SIAH1: variants seen among roughly 807,000 people sequenced by gnomAD.
SIAH1 encodes the protein E3 ubiquitin-protein ligase SIAH1.
In SIAH1, 2 loss-of-function variants were observed where a neutral mutation model predicts 20.0. The ratio of observed to expected loss-of-function variants is 0.10; its 90% confidence interval spans 0.04 to 0.31. The LOEUF is 0.31. Ranked by LOEUF, SIAH1 falls within the 10% of genes least tolerant of loss-of-function variation. The probability of loss-of-function intolerance (pLI) is 1.00; values close to 1 mark genes in which losing one functional copy is unlikely to be tolerated. For synonymous variants in SIAH1, 118 were observed against 125.3 expected (o/e 0.94, Z 0.39); for missense variants, 119 against 355.3 (o/e 0.33, Z 5.35).
intron 1 of SIAH1, among the ~76,000 whole-genome samples, chr16:48,380,199 T>G (rs1365012897): frequency 2.0e-5 from 3 of 152,174 alleles, no homozygotes; most frequent in Non-Finnish European, 4.4e-5. Flanking sequence ...CCCAGCACTT[T>G]GGGAGGCTGA....
upstream of SIAH1, among the ~76,000 whole-genome samples, chr16:48,386,885 C>T (rs779518937): frequency 1.3e-5 from 2 of 152,190 alleles, no homozygotes; most frequent in African/African-American, 2.4e-5. Flanking sequence ...GAAATGGATA[C>T]GGACTAAGAG....
intron 1 of SIAH1, among the ~76,000 whole-genome samples, chr16:48,381,041 G>A (rs1418952904): frequency 6.6e-6 from 1 of 151,956 alleles, no homozygotes; most frequent in African/African-American, 2.4e-5. Flanking sequence ...ATGCAAAATG[G>A]TACAGCCAAT....
intron 1 of SIAH1, among the ~76,000 whole-genome samples, chr16:48,378,304 G>A (rs1184364240): frequency 6.6e-6 from 1 of 152,202 alleles, no homozygotes; most frequent in African/African-American, 2.4e-5. Context: ...CGTGAGCCAA[G>A]ACTGTGCCAT....
intron 1 of SIAH1, among the ~76,000 whole-genome samples, chr16:48,373,107 GTCTC>G (rs575613317): frequency 2.6e-5 from 4 of 152,114 alleles, no homozygotes; most frequent in South Asian, 2.1e-4. Context: ...TTCCAAACCA[GTCTC>G]TCTGTTTCCA....
intron 1 of SIAH1, among the ~76,000 whole-genome samples, chr16:48,370,964 A>G (rs1960970475): frequency 2.6e-5 from 4 of 151,818 alleles, no homozygotes; most frequent in Non-Finnish European, 5.9e-5. Flanking sequence ...AAATACAAAA[A>G]TTAGCTGGGT....
At chr16:48,375,347 G>A (rs1217335065) in intron 1 of SIAH1, among the ~76,000 whole-genome samples, 4 of 152,156 alleles carry the variant, frequency 2.6e-5, no homozygotes, top group African/African-American at 4.8e-5. Context: ...AAACGGGGTG[G>A]GGGGAGAGAG....
rs1021735130 is a variant in SIAH1 at position 48,378,524 on chromosome 16, G to A, written c.-3+6680C>T. ...CGATCTGGGAGGTGGTTACAATAGCGTTCCTTTTGTGAAAATGTCAAGCTG... is the reference window on the plus strand; with the variant it reads ...CGATCTGGGAGGTGGTTACAATAGCATTCCTTTTGTGAAAATGTCAAGCTG... On this transcript the variant is annotated intron_variant, in intron 1 of 1. Transcript: ENST00000394725. Among the ~76,000 whole-genome samples the A allele has an allele frequency of 3.1e-4, 47 of 152,182 alleles. 2 individuals carry two copies. Among genetic ancestry groups the A allele is most frequent in the South Asian group, 2.1e-4 (1 of 4,830 alleles).
chr16:48,378,849 TAAGA>T (rs1961179715), intron 1 of SIAH1, among the ~76,000 whole-genome samples: 1 of 152,210 alleles, frequency 6.6e-6, no homozygotes. Context: ...ATCTTCCATC[TAAGA>T]TGTACTCCTT....
At chr16:48,371,353 TGTATG>T (rs1199414139) in intron 1 of SIAH1, among the ~76,000 whole-genome samples, 1 of 152,216 alleles carries the variant, frequency 6.6e-6, no homozygotes, top group African/African-American at 2.4e-5. Context: ...AAAAAAATCA[TGTATG>T]TTCTCCTTAC....
At chr16:48,371,415 C>T (rs1037347251) in intron 1 of SIAH1, among the ~76,000 whole-genome samples, 3 of 152,202 alleles carry the variant, frequency 2.0e-5, no homozygotes, top group Non-Finnish European at 4.4e-5. Flanking sequence ...ACATCTTTTC[C>T]ATATTTACAA....
At chr16:48,363,212 T>C (rs1642409826) in intron 1 of SIAH1, 1 of 167,036 alleles carries the variant, frequency 6.0e-6, no homozygotes, top group African/African-American at 2.4e-5. Context: ...TTCCATTAAC[T>C]CTTCTTAATG....
At chr16:48,375,567 G>C (rs1017769927) in intron 1 of SIAH1, among the ~76,000 whole-genome samples, 2 of 152,112 alleles carry the variant, frequency 1.3e-5, no homozygotes, top group Non-Finnish European at 1.5e-5. Context: ...GAACGCAGGA[G>C]TTAGAGGGTA....
chr16:48,380,886 G>A (rs1961260589), intron 1 of SIAH1, among the ~76,000 whole-genome samples: 1 of 127,980 alleles, frequency 7.8e-6, no homozygotes, highest in Non-Finnish European at 1.6e-5. Context: ...CCGAGATCAC[G>A]CCATTGCACT....
chr16:48,372,722 T>A (rs768089027), intron 1 of SIAH1, among the ~76,000 whole-genome samples: 1 of 152,166 alleles, frequency 6.6e-6, no homozygotes, highest in Non-Finnish European at 1.5e-5. Context: ...TACGACCACA[T>A]GATACAGGGC....
At position 48,385,198 on chromosome 16, in the gene SIAH1, A is replaced by T; in HGVS notation, c.-3+6T>A. The T allele has an allele frequency of 3.1e-6, 1 of 320,582 alleles. No individual in the cohort carries two copies. The highest frequency in any genetic ancestry group is 6.6e-6 in the Non-Finnish European group (1 of 151,982). 19.9% of individuals were successfully genotyped at this position (320,582 alleles called of 1,614,324 possible). A position where few individuals can be genotyped will look rare whatever the true frequency, so the allele number is the denominator to read the frequency against. Reference sequence around the variant, plus strand: ...CGGCTCCTCCCTCAGGCCGGGCCCCACTTACCTGTGGGCGGAGAGCGCGCC... The same window carrying T: ...CGGCTCCTCCCTCAGGCCGGGCCCCTCTTACCTGTGGGCGGAGAGCGCGCC... On this transcript the variant is annotated splice_donor_region_variant and intron_variant, in intron 1 of 1. Transcript: ENST00000394725.
chr16:48,384,464 C>G (rs1308589648), intron 1 of SIAH1, among the ~76,000 whole-genome samples: 1 of 152,166 alleles, frequency 6.6e-6, no homozygotes. Context: ...CCCCAAACTA[C>G]CCGGCAAATG....
intron 1 of SIAH1, chr16:48,365,292 T>C (rs1960786206): frequency 7.6e-7 from 1 of 1,307,940 alleles, no homozygotes; most frequent in African/African-American, 1.5e-5. Context: ...AACGTCTCGA[T>C]TCTGCTGCAG....
Position 48,365,934 on chromosome 16 carries a change from G to A in SIAH1, c.-2-3504C>T, listed in dbSNP as rs1951409909. ...GCCATTTGGAGCCTCGGCCGGGGCT[G>A]GGCCTGCGTTGGGAACGCCTACTCC... On this transcript the variant is annotated intron_variant, in intron 1 of 1. Transcript: ENST00000394725. The A allele has an allele frequency of 3.3e-6, 4 of 1,214,984 alleles. No individual in the cohort carries two copies. The East Asian group carries it at 9.9e-5, about 30-fold the overall frequency. 75.3% of individuals were successfully genotyped at this position (1,214,984 alleles called of 1,614,324 possible). A position where few individuals can be genotyped will look rare whatever the true frequency, so the allele number is the denominator to read the frequency against.
chr16:48,366,036 C>T (rs1960827112), intron 1 of SIAH1: 1 of 483,748 alleles, frequency 2.1e-6, no homozygotes, highest in Non-Finnish European at 2.8e-6. Flanking sequence ...AGGGTGGGGC[C>T]GTGCCCGCAA....
Sources: gnomAD v4.1 joint callset for allele counts (sites outside exome capture counted in the v4.1 genomes callset) on GRCh38, gnomAD v4.1.1 for gene constraint, MANE v1.5 for transcripts, NCBI Gene and HGNC (gene_info 2026-07-23, HGNC 2026-07-21) for gene names.